ZNF100: variants seen among roughly 807,000 people sequenced by gnomAD.
The protein encoded by ZNF100 is zinc finger protein 100 (Y1).
A neutral mutation model predicts 15.8 loss-of-function variants in ZNF100; 12 were observed. The observed-to-expected ratio is 0.76, with a 90% CI of 0.49 to 1.23. The LOEUF (loss-of-function observed/expected upper bound fraction) is 1.23. Ranked by LOEUF, ZNF100 falls within the 50% of genes most tolerant of loss-of-function variation. The pLI, the probability that ZNF100 is intolerant of heterozygous loss-of-function variation, is 0.00. For missense variants in ZNF100, 670 were observed against 635.6 expected, an observed-to-expected ratio of 1.05 and a Z score of -0.58; for synonymous variants, 226 against 214.8, an observed-to-expected ratio of 1.05 and a Z score of -0.45.
chr19:21,728,226 T>C (rs1279667209), intron 4 of ZNF100, among the ~76,000 whole-genome samples: 1 of 151,876 alleles, frequency 6.6e-6, no homozygotes, highest in African/African-American at 2.4e-5. Context: ...AAAGAGCCAC[T>C]TAGAAGTAAA....
At chr19:21,734,808 G>A (rs774599312) in intron 4 of ZNF100, among the ~76,000 whole-genome samples, 42 of 152,034 alleles carry the variant, frequency 2.8e-4, no homozygotes, top group Non-Finnish European at 3.7e-4. Flanking sequence ...ACAGCCAACC[G>A]GAAGGCCAGG....
chr19:21,765,659 T>C, intron 2 of ZNF100, 35 bp downstream of exon 2: 1 of 1,587,318 alleles, frequency 6.3e-7, no homozygotes. Flanking sequence ...AAAGCTGGGT[T>C]GGGTGAAGAC....
chr19:21,732,388 C>A (rs1480550864), intron 4 of ZNF100, among the ~76,000 whole-genome samples: 2 of 152,072 alleles, frequency 1.3e-5, no homozygotes, highest in African/African-American at 4.8e-5. Context: ...CAAACCTACA[C>A]AACAAATATA....
intron 4 of ZNF100, among the ~76,000 whole-genome samples, chr19:21,740,324 ATACT>A (rs1184028625): frequency 1.4e-4 from 21 of 152,332 alleles, no homozygotes; most frequent in African/African-American, 4.6e-4. Flanking sequence ...TTTCAATAAA[ATACT>A]TACATAAAAA....
At chr19:21,745,683 C>T (rs575881108) in intron 2 of ZNF100, among the ~76,000 whole-genome samples, 43 of 151,864 alleles carry the variant, frequency 2.8e-4, no homozygotes, top group Admixed American at 2.7e-3. Context: ...CCACCGCGCC[C>T]GGCTAATTTT....
intron 2 of ZNF100, among the ~76,000 whole-genome samples, chr19:21,748,898 G>A (rs1440500096): frequency 6.6e-6 from 1 of 152,106 alleles, no homozygotes; most frequent in Non-Finnish European, 1.5e-5. Context: ...CAGAGACAGG[G>A]TTTCTCCATG....
chr19:21,735,387 G>A (rs1238150899), intron 4 of ZNF100, among the ~76,000 whole-genome samples: 6 of 151,784 alleles, frequency 4.0e-5, no homozygotes, highest in African/African-American at 7.3e-5. Context: ...CCAGCTACTC[G>A]GGAGGCTGAG....
rs2035737032 is a variant in ZNF100, at chr19:21,724,407, GT to G, written c.*2275del. 6.6e-6 allele frequency: 1 copy of G among 152,080 alleles called. No homozygotes were observed. The highest frequency in any genetic ancestry group is 2.4e-5 in the African/African-American group (1 of 41,408). The allele number at this position is 152,080 out of a possible 1,614,324, so 9.4% of individuals were successfully genotyped here. A position where few individuals can be genotyped will look rare whatever the true frequency, so the allele number is the denominator to read the frequency against. On this transcript the variant is annotated 3_prime_UTR_variant, in exon 5 of 5. Transcript: ENST00000358296. ...AAATCAAAACTAAATGTCTGCATGT[GT>G]TTGCAGGCAGACAGGAAACATGCTC... is the stretch of plus-strand genomic sequence containing the variant.
Position 21,726,576 on chromosome 19 carries a change from T to C in ZNF100, c.*107A>G, listed in dbSNP as rs879872068. 4.0e-6 allele frequency: 4 copies of C among 1,008,914 alleles called. No homozygotes were observed. The highest frequency in any genetic ancestry group is 5.7e-6 in the Non-Finnish European group (4 of 696,028). 62.5% of individuals were successfully genotyped at this position (1,008,914 alleles called of 1,614,324 possible). ...TTATGTCTGTTAGGAATTGAGAATT[T>C]ATTAAAGGCTTTGCCATATTCTTCA... On this transcript the variant is annotated 3_prime_UTR_variant, in exon 5 of 5. Transcript: ENST00000358296.
intron 4 of ZNF100, among the ~76,000 whole-genome samples, chr19:21,736,027 A>C (rs1453108892): frequency 2.0e-5 from 3 of 152,076 alleles, no homozygotes; most frequent in Non-Finnish European, 2.9e-5. Context: ...CGACCTCATG[A>C]TCTGTCAGCC....
In ZNF100 at chr19:21,725,411, G is replaced by A. The variant is rs2035759782; in HGVS notation, c.*1272C>T. 6.6e-6 allele frequency: 1 copy of A among 152,034 alleles called. No homozygotes were observed. Among genetic ancestry groups the A allele is most frequent in the Admixed American group, 6.6e-5 (1 of 15,254 alleles). The allele number at this position is 152,034 out of a possible 1,614,324, so 9.4% of individuals were successfully genotyped here. Reference sequence around the variant, plus strand: ...TGAAATTAAGTTTTCTCATAATGCAGAATATTACTCTGAATGCCTAACGCA... The same window carrying A: ...TGAAATTAAGTTTTCTCATAATGCAAAATATTACTCTGAATGCCTAACGCA... On this transcript the variant is annotated 3_prime_UTR_variant, in exon 5 of 5. Transcript: ENST00000358296.
Position 21,745,070 on chromosome 19 carries a change from GA to G in ZNF100, c.97-4del. On this transcript the variant is annotated splice_polypyrimidine_tract_variant and splice_region_variant and intron_variant, in intron 2 of 4. Coordinates refer to ENST00000358296, the MANE Select transcript of ZNF100 (RefSeq NM_173531.4). ...ACATCCCTAAACGTCAATGGCCCCT[GA>G]AAAGCACAAGCACAGAGACACACAT... is the stretch of plus-strand genomic sequence containing the variant. The G allele has an allele frequency of 1.3e-6, 2 of 1,599,034 alleles. No individual in the cohort carries two copies. The highest frequency in any genetic ancestry group is 1.7e-6 in the Non-Finnish European group (2 of 1,170,456).
chr19:21,761,788 T>C (rs868085521), intron 2 of ZNF100, among the ~76,000 whole-genome samples: 1 of 152,352 alleles, frequency 6.6e-6, no homozygotes, highest in South Asian at 2.1e-4. Context: ...ATTTGGTGGC[T>C]AACACAACAG....
At chr19:21,746,592 G>A (rs528315942) in intron 2 of ZNF100, among the ~76,000 whole-genome samples, 1 of 152,210 alleles carries the variant, frequency 6.6e-6, no homozygotes, top group Admixed American at 6.5e-5. Flanking sequence ...TTCATGGTAG[G>A]AATTCTGCAT....
At chr19:21,741,368 A>AATT (rs1043275170) in intron 4 of ZNF100, among the ~76,000 whole-genome samples, 2 of 151,880 alleles carry the variant, frequency 1.3e-5, no homozygotes, top group African/African-American at 2.4e-5. Flanking sequence ...GCTAAAATGC[A>AATT]ATTATTATTA....
In ZNF100 at chr19:21,728,424, G is replaced by A. The variant is rs368686020; in HGVS notation, c.323-435C>T. On this transcript the variant is annotated intron_variant, in intron 4 of 4. Transcript: ENST00000358296. ...TTGAAATATAATGCTGAAAGAAACGGTGGTATACTTTGGAGTGACAGTCTT... is the reference window on the plus strand; with the variant it reads ...TTGAAATATAATGCTGAAAGAAACGATGGTATACTTTGGAGTGACAGTCTT... 1.4e-3 allele frequency among the ~76,000 whole-genome samples: 218 copies of A among 152,174 alleles called. 14 individuals carry two copies. In the South Asian group the frequency reaches 0.044, roughly 31 times the overall value.
chr19:21,766,259 G>C (rs925649505), intron 1 of ZNF100, among the ~76,000 whole-genome samples: 1 of 152,042 alleles, frequency 6.6e-6, no homozygotes, highest in Non-Finnish European at 1.5e-5. Context: ...CTGCAAGCCA[G>C]AGTGAGGCTG....
At chr19:21,732,247 T>C (rs999827306) in intron 4 of ZNF100, among the ~76,000 whole-genome samples, 2 of 152,216 alleles carry the variant, frequency 1.3e-5, no homozygotes, top group Admixed American at 6.5e-5. Context: ...ACAGTTACAA[T>C]AGTTTCAATA....
At position 21,735,453 on chromosome 19, in the gene ZNF100, C is replaced by G. The variant is rs187568424; in HGVS notation, c.323-7464G>C. ...AGCTGGAAGTGAGCCAAGATTGTGC[C>G]ACTGCACTCCAGACTCCAGCCTGGG... On this transcript the variant is annotated intron_variant, in intron 4 of 4. Coordinates refer to ENST00000358296, the MANE Select transcript of ZNF100 (RefSeq NM_173531.4). Among the ~76,000 whole-genome samples the G allele has an allele frequency of 2.2e-4, 33 of 149,562 alleles. No individual in the cohort carries two copies. In the East Asian group the frequency reaches 6.6e-3, roughly 30 times the overall value.
Sources: gnomAD v4.1 joint callset for allele counts (sites outside exome capture counted in the v4.1 genomes callset) on GRCh38, gnomAD v4.1.1 for gene constraint, MANE v1.5 for transcripts, NCBI Gene and HGNC (gene_info 2026-07-23, HGNC 2026-07-21) for gene names.